SDCCAG8: variants seen among roughly 807,000 people sequenced by gnomAD.
SDCCAG8 encodes serologically defined colon cancer antigen 8.
A neutral mutation model predicts 101.8 loss-of-function variants in SDCCAG8; 74 were observed. The ratio of observed to expected loss-of-function variants is 0.73; its 90% confidence interval spans 0.60 to 0.88. The LOEUF (loss-of-function observed/expected upper bound fraction) is 0.88, where lower values mean the gene tolerates loss of function less well. Ranked by LOEUF, SDCCAG8 falls within the 40% of genes least tolerant of loss-of-function variation. The pLI, the probability that SDCCAG8 is intolerant of heterozygous loss-of-function variation, is 0.00. For synonymous variants in SDCCAG8, 281 were observed against 292.9 expected (o/e 0.96, Z 0.41); for missense variants, 787 against 822.6 (o/e 0.96, Z 0.53).
chr1:243,266,872 G>C (rs73118308), intron 1 of SDCCAG8, among the ~76,000 whole-genome samples: 6,694 of 148,914 alleles, frequency 0.045, 518 homozygotes, highest in African/African-American at 0.16. Context: ...GAACCCTGGA[G>C]GCAGAGCCAC....
intron 12 of SDCCAG8, among the ~76,000 whole-genome samples, chr1:243,361,364 A>G (rs2076701446): frequency 6.6e-6 from 1 of 152,156 alleles, no homozygotes; most frequent in South Asian, 2.1e-4. Context: ...TTTGTTTATT[A>G]TCATCTTTCC....
At chr1:243,278,378 A>G (rs1276172552) in intron 4 of SDCCAG8, among the ~76,000 whole-genome samples, 1 of 151,752 alleles carries the variant, frequency 6.6e-6, no homozygotes, top group African/African-American at 2.4e-5. Flanking sequence ...GTGCCACCAC[A>G]CCTGGCTAAT....
intron 4 of SDCCAG8, among the ~76,000 whole-genome samples, chr1:243,276,139 G>T (rs986697667): frequency 6.6e-6 from 1 of 152,044 alleles, no homozygotes; most frequent in Non-Finnish European, 1.5e-5. Flanking sequence ...TGGAATTACC[G>T]GTATGAGCCA....
chr1:243,478,610 C>T (rs1662870764), intron 16 of SDCCAG8, among the ~76,000 whole-genome samples: 1 of 152,044 alleles, frequency 6.6e-6, no homozygotes, highest in South Asian at 2.1e-4. Context: ...GGAAGAATTC[C>T]TTTATTGAAA....
At chr1:243,276,828 T>A (rs12751257) in intron 4 of SDCCAG8, among the ~76,000 whole-genome samples, 2 of 151,354 alleles carry the variant, frequency 1.3e-5, no homozygotes, top group African/African-American at 2.4e-5. Flanking sequence ...TCCCATCCCC[T>A]GGCAACCATT....
At chr1:243,352,815 A>C (rs1462655350) in intron 12 of SDCCAG8, among the ~76,000 whole-genome samples, 1 of 152,166 alleles carries the variant, frequency 6.6e-6, no homozygotes, top group East Asian at 1.9e-4. Context: ...AAATATAAAT[A>C]GATTCTAGTT....
At chr1:243,479,970 A>G (rs1426209102) in intron 16 of SDCCAG8, among the ~76,000 whole-genome samples, 2 of 151,622 alleles carry the variant, frequency 1.3e-5, no homozygotes, top group African/African-American at 4.9e-5. Context: ...TGGAGATCTT[A>G]TTTTCTCCAT....
chr1:243,447,204 G>A (rs1451620685), intron 16 of SDCCAG8, among the ~76,000 whole-genome samples: 2 of 128,816 alleles, frequency 1.6e-5, no homozygotes, highest in Non-Finnish European at 3.1e-5. Context: ...AGCCGAGATC[G>A]CGCCACGGCA....
At chr1:243,256,881 T>C (rs938225002) in intron 1 of SDCCAG8, among the ~76,000 whole-genome samples, 14 of 152,246 alleles carry the variant, frequency 9.2e-5, no homozygotes, top group African/African-American at 3.4e-4. Context: ...AAGCCATAAT[T>C]ACTATTATCA....
intron 13 of SDCCAG8, among the ~76,000 whole-genome samples, chr1:243,389,750 T>C (rs1026375294): frequency 6.6e-6 from 1 of 152,282 alleles, no homozygotes; most frequent in Admixed American, 6.5e-5. Context: ...CAGTCCTTTA[T>C]AGATGAGGAA....
In SDCCAG8 at chr1:243,474,756, G is replaced by A. The variant is rs1344468785; in HGVS notation, c.1986-14258G>A. Reference sequence around the variant, plus strand: ...GACGCGGCGTGGCAGCGCAGGGCTCGGCTAGATGCGCTCCTCCTCGGACTG... The same window carrying A: ...GACGCGGCGTGGCAGCGCAGGGCTCAGCTAGATGCGCTCCTCCTCGGACTG... On this transcript the variant is annotated intron_variant, in intron 16 of 17. Coordinates refer to ENST00000366541, the MANE Select transcript of SDCCAG8 (RefSeq NM_006642.5). The surrounding 1 kb of genome is among the most constrained non-coding windows in gnomAD (Gnocchi z 4.7). 6.6e-6 allele frequency among the ~76,000 whole-genome samples: 1 copy of A among 152,238 alleles called. No homozygotes were observed. The highest frequency in any genetic ancestry group is 2.4e-5 in the African/African-American group (1 of 41,466).
At chr1:243,393,366 GC>G (rs1182741724) in intron 13 of SDCCAG8, among the ~76,000 whole-genome samples, 1 of 152,076 alleles carries the variant, frequency 6.6e-6, no homozygotes, top group Non-Finnish European at 1.5e-5. Context: ...AACAGATAGG[GC>G]AGCTGGGAAG....
rs34343249 is a variant in SDCCAG8 at position 243,294,707 on chromosome 1, C to CG, written c.675+1488_675+1489insG. Among the ~76,000 whole-genome samples the CG allele has an allele frequency of 6.3e-3, 883 of 140,672 alleles. 35 individuals are homozygous for CG. Among genetic ancestry groups the CG allele is most frequent in the African/African-American group, 0.023 (844 of 37,386 alleles). 92.3% of individuals were successfully genotyped at this position (140,672 alleles called of 152,430 possible). A position where few individuals can be genotyped will look rare whatever the true frequency, so the allele number is the denominator to read the frequency against. ...GTGACTTTCTAAATTCCCCCCCCCC[C>CG]CCACAGCTGCCTTTGAACGTCCTAA... is the stretch of plus-strand genomic sequence containing the variant. On this transcript the variant is annotated intron_variant, in intron 6 of 17. Transcript: ENST00000366541.
intron 2 of SDCCAG8, 125 bp downstream of exon 2, chr1:243,270,382 A>C (rs2067989275): frequency 2.0e-6 from 2 of 1,006,502 alleles, no homozygotes; most frequent in African/African-American, 1.6e-5. Flanking sequence ...CAAATCAGAT[A>C]ATTTAATTCC....
chr1:243,353,362 G>A (rs562298029), intron 12 of SDCCAG8, among the ~76,000 whole-genome samples: 19 of 151,176 alleles, frequency 1.3e-4, no homozygotes, highest in Admixed American at 3.3e-4. Flanking sequence ...GTGGTGGCGC[G>A]CGCCTGTAAT....
chr1:243,393,608 A>G (rs1395588348), intron 13 of SDCCAG8, among the ~76,000 whole-genome samples: 1 of 152,044 alleles, frequency 6.6e-6, no homozygotes, highest in African/African-American at 2.4e-5. Context: ...TTGTCCTGTG[A>G]GTTTTCAGTT....
Position 243,499,659 on chromosome 1 carries a change from G to C in SDCCAG8, c.2113-97G>C. ...CAACAGGTTTTTTTCTCCAACAACAGTTTTCATCATAAAAGGTGACTAAAC... is the reference window on the plus strand; with the variant it reads ...CAACAGGTTTTTTTCTCCAACAACACTTTTCATCATAAAAGGTGACTAAAC... On this transcript the variant is annotated intron_variant, in intron 17 of 17. Coordinates refer to ENST00000366541, the MANE Select transcript of SDCCAG8 (RefSeq NM_006642.5). 4.0e-6 allele frequency: 4 copies of C among 1,008,926 alleles called. No individual in the cohort carries two copies. In the Admixed American group the frequency reaches 5.4e-5, roughly 14 times the overall value. 62.5% of individuals were successfully genotyped at this position (1,008,926 alleles called of 1,614,324 possible).
chr1:243,337,528 A>C (rs759291882), intron 10 of SDCCAG8, among the ~76,000 whole-genome samples: 1 of 152,242 alleles, frequency 6.6e-6, no homozygotes, highest in Non-Finnish European at 1.5e-5. Flanking sequence ...GTTTTGGAGT[A>C]AAAGGATTTA....
At chr1:243,393,320 A>G (rs1035852177) in intron 13 of SDCCAG8, among the ~76,000 whole-genome samples, 1 of 152,086 alleles carries the variant, frequency 6.6e-6, no homozygotes, top group African/African-American at 2.4e-5. Context: ...GAAAGCTGGC[A>G]GGGGAGGGGC....
Sources: allele counts gnomAD v4.1 joint callset (sites outside exome capture counted in the v4.1 genomes callset), GRCh38; gene constraint gnomAD v4.1.1; non-coding constraint Gnocchi (gnomAD v3.1); transcripts MANE v1.5; gene names NCBI Gene and HGNC (gene_info 2026-07-23, HGNC 2026-07-21).